PLSCR2: variants seen among roughly 807,000 people sequenced by gnomAD.
PLSCR2 encodes phospholipid scramblase 2.
Under a neutral mutation model 25.3 loss-of-function variants are expected in PLSCR2, and 18 were observed. The ratio of observed to expected loss-of-function variants is 0.71; its 90% confidence interval spans 0.49 to 1.06. The LOEUF is 1.06. Ranked by LOEUF, PLSCR2 falls within the 50% of genes least tolerant of loss-of-function variation. PLSCR2 has a pLI of 0.00. For synonymous variants in PLSCR2, 88 were observed against 87.3 expected (o/e 1.01, Z -0.04); for missense variants, 243 against 269.5 (o/e 0.90, Z 0.69).
chr3:146,395,538 GCA>G (rs897745740), intron 3 of PLSCR2, among the ~76,000 whole-genome samples: 1 of 152,068 alleles, frequency 6.6e-6, no homozygotes, highest in Non-Finnish European at 1.5e-5. Context: ...TTTCATGAAG[GCA>G]AAGGATTTAA....
intron 1 of PLSCR2, among the ~76,000 whole-genome samples, chr3:146,474,766 C>G (rs563385): frequency 0.3 from 44,989 of 151,802 alleles, 6,678 homozygotes; most frequent in South Asian, 0.42. Context: ...GTCTCCTCCT[C>G]GTACTCCAAT....
chr3:146,394,330 C>T (rs2038201691), intron 3 of PLSCR2, among the ~76,000 whole-genome samples: 1 of 151,758 alleles, frequency 6.6e-6, no homozygotes, highest in African/African-American at 2.4e-5. Context: ...TGCAGTGGTG[C>T]AATCTCAGCT....
chr3:146,494,341 T>TATATGA (rs1412596462), intron 1 of PLSCR2, among the ~76,000 whole-genome samples: 19 of 152,168 alleles, frequency 1.2e-4, no homozygotes, highest in Admixed American at 1.0e-3. Flanking sequence ...AATGGCAATG[T>TATATGA]ACTTAATTTA....
At chr3:146,400,289 G>A (rs1026611799) in intron 2 of PLSCR2, among the ~76,000 whole-genome samples, 1 of 151,486 alleles carries the variant, frequency 6.6e-6, no homozygotes, top group South Asian at 2.1e-4. Context: ...CAAGGTCAGA[G>A]TAAAGTGAAG....
chr3:146,461,344 C>T (rs1017991622), upstream of PLSCR2, among the ~76,000 whole-genome samples: 1 of 152,108 alleles, frequency 6.6e-6, no homozygotes, highest in Non-Finnish European at 1.5e-5. Flanking sequence ...TACTAATGCA[C>T]TGTAAATATA....
chr3:146,395,526 T>C (rs1334288063), intron 3 of PLSCR2, among the ~76,000 whole-genome samples: 3 of 152,176 alleles, frequency 2.0e-5, no homozygotes, highest in Admixed American at 6.5e-5. Context: ...GACAATCTGA[T>C]TTTTCATGAA....
downstream of PLSCR2, among the ~76,000 whole-genome samples, chr3:146,429,434 C>T (rs1271891616): frequency 2.0e-5 from 3 of 151,886 alleles, no homozygotes; most frequent in Non-Finnish European, 4.4e-5. Context: ...CCTTGTTATG[C>T]CTTAGAAAAA....
chr3:146,395,609 C>T (rs1355053734), intron 3 of PLSCR2: 1 of 154,012 alleles, frequency 6.5e-6, no homozygotes, highest in African/African-American at 2.4e-5. Flanking sequence ...AATGTGAATA[C>T]TGAATCCATG....
chr3:146,391,800 C>T (rs2038089720), intron 3 of PLSCR2, among the ~76,000 whole-genome samples: 2 of 152,158 alleles, frequency 1.3e-5, no homozygotes, highest in African/African-American at 4.8e-5. Context: ...TCTAAAGGCC[C>T]TTAGAGATCA....
intron 1 of PLSCR2, among the ~76,000 whole-genome samples, chr3:146,484,864 A>T (rs1252745961): frequency 6.6e-6 from 1 of 152,162 alleles, no homozygotes. Context: ...CAATGACACT[A>T]TGAGGAAACT....
chr3:146,429,549 A>G (rs114813963), downstream of PLSCR2, among the ~76,000 whole-genome samples: 1,948 of 152,320 alleles, frequency 0.013, 45 homozygotes, highest in African/African-American at 0.045. Flanking sequence ...GCAGCAAAGC[A>G]TTCAAGATTT....
At chr3:146,411,995 GTT>G (rs1559975412) in intron 2 of PLSCR2, among the ~76,000 whole-genome samples, 1 of 38,822 alleles carries the variant, frequency 2.6e-5, no homozygotes, top group African/African-American at 6.3e-5. Flanking sequence ...GCTTGCACAA[GTT>G]AAGTCCTTGA....
intron 2 of PLSCR2, among the ~76,000 whole-genome samples, chr3:146,408,628 C>G (rs1367861384): frequency 6.6e-6 from 1 of 152,016 alleles, no homozygotes; most frequent in Non-Finnish European, 1.5e-5. Flanking sequence ...CTTTTAATAT[C>G]TGGGGCTTCC....
chr3:146,495,763 G>T, intron 1 of PLSCR2: 1 of 640,346 alleles, frequency 1.6e-6, no homozygotes, highest in East Asian at 2.8e-5. Flanking sequence ...AAGATACCTA[G>T]TATGAGTTTA....
At chr3:146,426,393 T>C (rs931548111) in intron 2 of PLSCR2, among the ~76,000 whole-genome samples, 3 of 152,106 alleles carry the variant, frequency 2.0e-5, no homozygotes, top group African/African-American at 4.8e-5. Context: ...ATTGCTTTCA[T>C]TTTCAGACAA....
intron 2 of PLSCR2, among the ~76,000 whole-genome samples, chr3:146,399,699 T>C (rs2038392875): frequency 6.6e-6 from 1 of 151,622 alleles, no homozygotes; most frequent in Non-Finnish European, 1.5e-5. Flanking sequence ...CCTTCTTTCC[T>C]TCCTTCCTTC....
At chr3:146,470,272 T>A (rs1451867941) in intron 1 of PLSCR2, among the ~76,000 whole-genome samples, 1 of 152,088 alleles carries the variant, frequency 6.6e-6, no homozygotes, top group Non-Finnish European at 1.5e-5. Context: ...TTTTTAAAAA[T>A]TTATTTACAC....
chr3:146,460,836 C>T (rs1044903186), upstream of PLSCR2, among the ~76,000 whole-genome samples: 4 of 152,140 alleles, frequency 2.6e-5, no homozygotes, highest in African/African-American at 7.2e-5. Context: ...CAATGGGTTA[C>T]GAGGAGTTTT....
Position 146,418,579 on chromosome 3 carries a change from C to A in PLSCR2, c.101-22658G>T, listed in dbSNP as rs530933832. On this transcript the variant is annotated intron_variant and NMD_transcript_variant, in intron 2 of 3. Coordinates refer to the PLSCR2 transcript ENST00000463633. ...TCATTAATCCAAATAATTTTGAAATCCAGCATGTGAGGCTCTACTAGGTTT... is the reference window on the plus strand; with the variant it reads ...TCATTAATCCAAATAATTTTGAAATACAGCATGTGAGGCTCTACTAGGTTT... Among the ~76,000 whole-genome samples the A allele has an allele frequency of 2.0e-5, 3 of 152,210 alleles. No homozygotes were observed. In the South Asian group the frequency reaches 6.2e-4, roughly 32 times the overall value.
Sources: allele counts gnomAD v4.1 joint callset (sites outside exome capture counted in the v4.1 genomes callset), GRCh38; gene constraint gnomAD v4.1.1; transcripts MANE v1.5; gene names NCBI Gene and HGNC (gene_info 2026-07-23, HGNC 2026-07-21).